The following CDC42BPA variants were observed in gnomAD, a reference collection of about 807,000 sequenced individuals.
CDC42BPA encodes CDC42 binding protein kinase alpha.
CDC42BPA carries 80 observed loss-of-function variants against 223.5 expected under a neutral mutation model. The observed-to-expected ratio is 0.36, with a 90% CI of 0.30 to 0.43. The LOEUF (loss-of-function observed/expected upper bound fraction) is 0.43, where lower values mean the gene tolerates loss of function less well. Ranked by LOEUF, CDC42BPA falls within the 20% of genes least tolerant of loss-of-function variation. The probability of loss-of-function intolerance (pLI) is 1.00; values close to 1 mark genes in which losing one functional copy is unlikely to be tolerated. For missense variants in CDC42BPA, 1,743 were observed against 2,099.9 expected, an observed-to-expected ratio of 0.83 and a Z score of 3.32; for synonymous variants, 694 against 718.6, an observed-to-expected ratio of 0.97 and a Z score of 0.55.
chr1:227,104,045 T>C (rs1685489159), intron 14 of CDC42BPA, among the ~76,000 whole-genome samples: 1 of 152,092 alleles, frequency 6.6e-6, no homozygotes, highest in African/African-American at 2.4e-5. Context: ...GTAAAATTTT[T>C]ACTGTGCAGA....
At chr1:227,272,484 G>A (rs1686120382) in intron 1 of CDC42BPA, among the ~76,000 whole-genome samples, 1 of 152,154 alleles carries the variant, frequency 6.6e-6, no homozygotes, top group Non-Finnish European at 1.5e-5. Flanking sequence ...GGAAATATAT[G>A]TAATCTATGA....
intron 1 of CDC42BPA, among the ~76,000 whole-genome samples, chr1:227,312,773 C>G (rs1416836044): frequency 6.8e-6 from 1 of 146,518 alleles, no homozygotes; most frequent in Non-Finnish European, 1.5e-5. Flanking sequence ...GTGACTGGAT[C>G]ATGGGGGCAG....
intron 21 of CDC42BPA, among the ~76,000 whole-genome samples, chr1:227,059,195 A>T (rs188198004): frequency 5.3e-5 from 8 of 152,220 alleles, no homozygotes; most frequent in Admixed American, 4.6e-4. Context: ...AAGCCAAAAA[A>T]AAAACATAAA....
intron 1 of CDC42BPA, among the ~76,000 whole-genome samples, chr1:227,273,658 C>T (rs796734097): frequency 4.0e-5 from 6 of 151,858 alleles, no homozygotes; most frequent in Admixed American, 2.0e-4. Context: ...CCAGTGGAGA[C>T]TTCAGAAGAA....
intron 15 of CDC42BPA, among the ~76,000 whole-genome samples, chr1:227,100,747 A>AGT (rs57210205): frequency 0.054 from 7,361 of 137,372 alleles, 519 homozygotes; most frequent in African/African-American, 0.16. Flanking sequence ...ATACCCAGCT[A>AGT]GTGTGTGTGT....
Position 227,179,635 on chromosome 1 carries a change from C to CAAAAAAAAAA in CDC42BPA, c.599+14141_599+14150dup, listed in dbSNP as rs59744442. On this transcript the variant is annotated intron_variant, in intron 5 of 36. Coordinates refer to ENST00000366766, the MANE Select transcript of CDC42BPA (RefSeq NM_001394014.1). Reference sequence around the variant, plus strand: ...TGGGCAACAGAGCGAGCCTCCATCTCAAAAAAAAAAAAAAAAAAAAAAAAA... The same window carrying CAAAAAAAAAA: ...TGGGCAACAGAGCGAGCCTCCATCTCAAAAAAAAAAAAAAAAAAAAAAAAAAAAAAAAAAA... 7.2e-3 allele frequency among the ~76,000 whole-genome samples: 247 copies of CAAAAAAAAAA among 34,232 alleles called. 58 individuals carry two copies. The highest frequency in any genetic ancestry group is 8.9e-3 in the Non-Finnish European group (180 of 20,248). The allele number at this position is 34,232 out of a possible 152,430, so 22.5% of individuals were successfully genotyped here. A position where few individuals can be genotyped will look rare whatever the true frequency, so the allele number is the denominator to read the frequency against.
chr1:227,115,695 A>T (rs540655343), intron 12 of CDC42BPA, among the ~76,000 whole-genome samples: 2 of 152,260 alleles, frequency 1.3e-5, no homozygotes, highest in Admixed American at 6.5e-5. Flanking sequence ...ACGTAGAGCA[A>T]GTTCTGTAAT....
intron 24 of CDC42BPA, among the ~76,000 whole-genome samples, chr1:227,039,912 A>G (rs1282042863): frequency 6.6e-6 from 1 of 152,198 alleles, no homozygotes; most frequent in East Asian, 1.9e-4. Context: ...ATTTAATAAC[A>G]AAACAAAGAC....
chr1:227,215,882 T>C (rs1210514097), intron 2 of CDC42BPA, among the ~76,000 whole-genome samples: 4 of 152,208 alleles, frequency 2.6e-5, no homozygotes, highest in Non-Finnish European at 2.9e-5. Flanking sequence ...TATATCTATA[T>C]ACAAATAAAA....
intron 5 of CDC42BPA, among the ~76,000 whole-genome samples, chr1:227,179,560 C>T (rs569336158): frequency 8.1e-6 from 1 of 123,368 alleles, no homozygotes; most frequent in South Asian, 2.8e-4. Flanking sequence ...GGCGTCAACC[C>T]GGGAGGTGGA....
rs559737004 is a variant in CDC42BPA at position 227,097,846 on chromosome 1, C to T, written c.2249+3146G>A. The stretch of plus-strand genomic sequence containing the variant: ...GTCACTGTGCATGTGGACAGCCCAC[C>T]CCAAGGGAAGAATCAGAGAAGGGAT... On this transcript the variant is annotated intron_variant, in intron 15 of 36. Transcript: ENST00000366766. Among the ~76,000 whole-genome samples, 3 of 152,198 alleles carry T rather than the reference C, an allele frequency of 2.0e-5. No homozygotes were observed. In the South Asian group the frequency reaches 6.2e-4, roughly 32 times the overall value.
At chr1:227,119,965 A>G (rs1394369379) in intron 11 of CDC42BPA, 28 bp from the exon 12 acceptor site, 13 of 1,544,224 alleles carry the variant, frequency 8.4e-6, no homozygotes, top group Non-Finnish European at 1.1e-5. Flanking sequence ...TGTTTCTTTT[A>G]CTATTTGTAT....
rs544685110 is a variant in CDC42BPA at position 227,115,782 on chromosome 1, A to G, written c.1648-2869T>C. On this transcript the variant is annotated intron_variant, in intron 12 of 36. Coordinates refer to ENST00000366766, the MANE Select transcript of CDC42BPA (RefSeq NM_001394014.1). ...TGAAAATTTTAAAAGATACTTATAAATAACTCATTGGTCCGTGAGAAAAAG... is the reference window on the plus strand; with the variant it reads ...TGAAAATTTTAAAAGATACTTATAAGTAACTCATTGGTCCGTGAGAAAAAG... Among the ~76,000 whole-genome samples the G allele has an allele frequency of 7.2e-5, 11 of 152,216 alleles. No individual in the cohort carries two copies. In the South Asian group the frequency reaches 2.3e-3, roughly 32 times the overall value.
At chr1:227,179,996 T>C (rs1046568688) in intron 5 of CDC42BPA, among the ~76,000 whole-genome samples, 1 of 152,034 alleles carries the variant, frequency 6.6e-6, no homozygotes, top group Admixed American at 6.6e-5. Flanking sequence ...TCACTGGGGT[T>C]AGGAGTTCAA....
intron 12 of CDC42BPA, among the ~76,000 whole-genome samples, chr1:227,113,214 G>T (rs1385827445): frequency 2.0e-5 from 3 of 152,220 alleles, no homozygotes; most frequent in Non-Finnish European, 4.4e-5. Flanking sequence ...AAATATTTGT[G>T]AAATTTAATA....
At chr1:227,158,381 G>A (rs981206502) in intron 6 of CDC42BPA, among the ~76,000 whole-genome samples, 12 of 151,734 alleles carry the variant, frequency 7.9e-5, no homozygotes, top group African/African-American at 2.9e-4. Flanking sequence ...TTGGTTCAGT[G>A]ATTTTTTTTT....
chr1:227,033,572 T>C (rs1669711042), intron 26 of CDC42BPA, among the ~76,000 whole-genome samples, 157 bp from the exon 27 acceptor site: 1 of 152,160 alleles, frequency 6.6e-6, no homozygotes. Context: ...TAATTAATAG[T>C]GCCCCAAATA....
intron 2 of CDC42BPA, among the ~76,000 whole-genome samples, chr1:227,238,370 C>T (rs922969624): frequency 2.9e-5 from 4 of 136,058 alleles, no homozygotes; most frequent in African/African-American, 1.1e-4. Context: ...CAAACAAACA[C>T]GACATCTAAA....
chr1:227,035,752 CT>C, intron 24 of CDC42BPA, 145 bp from the exon 25 acceptor site: 1 of 574,018 alleles, frequency 1.7e-6, no homozygotes, highest in East Asian at 3.2e-5. Flanking sequence ...ATTTGGGTAG[CT>C]GATTCATTTG....
Sources: gnomAD v4.1 joint callset for allele counts (sites outside exome capture counted in the v4.1 genomes callset) on GRCh38, gnomAD v4.1.1 for gene constraint, MANE v1.5 for transcripts, NCBI Gene and HGNC (gene_info 2026-07-23, HGNC 2026-07-21) for gene names.